GAS7: variants seen among roughly 807,000 people sequenced by gnomAD.
GAS7 encodes the protein growth arrest-specific protein 7.
A neutral mutation model predicts 71.1 loss-of-function variants in GAS7; 28 were observed. The observed-to-expected ratio is 0.39, with a 90% confidence interval of 0.29 to 0.54. The LOEUF is 0.54. GAS7 is among the 20% of genes least tolerant of loss of function. The probability of loss-of-function intolerance (pLI) is 0.62; values close to 1 mark genes in which losing one functional copy is unlikely to be tolerated. For missense variants in GAS7, 436 were observed against 627.8 expected, an observed-to-expected ratio of 0.69 and a Z score of 3.27; for synonymous variants, 258 against 245.8, an observed-to-expected ratio of 1.05 and a Z score of -0.46.
intron 5 of GAS7, among the ~76,000 whole-genome samples, chr17:9,956,458 G>A (rs1001740153): frequency 2.6e-5 from 4 of 152,206 alleles, no homozygotes; most frequent in Non-Finnish European, 4.4e-5. Context: ...GAGTGTGGCC[G>A]GGTGGCTTTG....
intron 2 of GAS7, among the ~76,000 whole-genome samples, chr17:9,991,263 G>C (rs1285388343): frequency 6.6e-6 from 1 of 152,186 alleles, no homozygotes; most frequent in Non-Finnish European, 1.5e-5. Context: ...GTGAAGGGGG[G>C]CTAGAATGCC....
At chr17:10,195,104 T>C (rs150895303) in intron 1 of GAS7, among the ~76,000 whole-genome samples, 2 of 152,224 alleles carry the variant, frequency 1.3e-5, no homozygotes, top group African/African-American at 4.8e-5. Context: ...ACCTCTACAC[T>C]TCCCTGCCTG....
chr17:10,141,750 G>A (rs181703923), intron 1 of GAS7, among the ~76,000 whole-genome samples: 1 of 152,232 alleles, frequency 6.6e-6, no homozygotes, highest in Admixed American at 6.5e-5. Flanking sequence ...CCTTTAAAAT[G>A]TGTATGATAG....
At chr17:10,117,548 G>A (rs971091067) in intron 1 of GAS7, among the ~76,000 whole-genome samples, 2 of 152,174 alleles carry the variant, frequency 1.3e-5, no homozygotes, top group African/African-American at 4.8e-5. Flanking sequence ...TGACACAGGA[G>A]TGAGACCAAC....
chr17:10,056,593 C>T (rs1211409380), intron 1 of GAS7, among the ~76,000 whole-genome samples: 1 of 151,960 alleles, frequency 6.6e-6, no homozygotes, highest in Non-Finnish European at 1.5e-5. Flanking sequence ...TCAAATGGGC[C>T]GGGCGCAGTG....
chr17:10,155,584 T>G (rs757415810), intron 1 of GAS7, among the ~76,000 whole-genome samples: 3 of 152,186 alleles, frequency 2.0e-5, no homozygotes, highest in Non-Finnish European at 4.4e-5. Context: ...TTCCCACCGC[T>G]ATGTCAGGGA....
intron 1 of GAS7, among the ~76,000 whole-genome samples, chr17:10,053,446 C>T (rs953561914): frequency 6.6e-6 from 1 of 152,136 alleles, no homozygotes; most frequent in Non-Finnish European, 1.5e-5. Context: ...TCTTTACCTA[C>T]ATGATTTTAA....
intron 9 of GAS7, among the ~76,000 whole-genome samples, chr17:9,930,562 T>C (rs754810425): frequency 4.6e-5 from 7 of 152,244 alleles, no homozygotes; most frequent in Non-Finnish European, 1.0e-4. Context: ...ACTTTCTTTG[T>C]ATACGGCTCT....
intron 2 of GAS7, among the ~76,000 whole-genome samples, chr17:10,004,989 G>A (rs1238468291): frequency 6.6e-6 from 1 of 151,808 alleles, no homozygotes; most frequent in African/African-American, 2.4e-5. Flanking sequence ...CAGCCTCGGC[G>A]ACAGAGCAGG....
At chr17:10,057,211 G>A (rs912916042) in intron 1 of GAS7, among the ~76,000 whole-genome samples, 3 of 152,316 alleles carry the variant, frequency 2.0e-5, no homozygotes, top group Non-Finnish European at 2.9e-5. Flanking sequence ...CTGCCTGGCC[G>A]CCAGCCCGTC....
At chr17:9,931,911 C>T (rs1022839180) in intron 9 of GAS7, among the ~76,000 whole-genome samples, 2 of 152,090 alleles carry the variant, frequency 1.3e-5, no homozygotes, top group Admixed American at 6.6e-5. Flanking sequence ...AGTACCACCA[C>T]GGGGTACATC....
intron 8 of GAS7, among the ~76,000 whole-genome samples, chr17:9,939,695 C>T (rs1461284938): frequency 6.6e-6 from 1 of 152,042 alleles, no homozygotes; most frequent in Non-Finnish European, 1.5e-5. Flanking sequence ...CTGCAAGCTC[C>T]ACCTCCTGGG....
chr17:10,140,391 G>T (rs898455463), intron 1 of GAS7, among the ~76,000 whole-genome samples: 2 of 152,104 alleles, frequency 1.3e-5, no homozygotes, highest in South Asian at 2.1e-4. Context: ...GAGTCCGGGG[G>T]TTGAGGCTGC....
chr17:10,026,033 G>T lies in GAS7; in HGVS notation c.184-6136C>A. 1 of 263,962 alleles carries T rather than the reference G, an allele frequency of 3.8e-6. No homozygotes were observed. Among genetic ancestry groups the T allele is most frequent in the Non-Finnish European group, 5.8e-6 (1 of 173,210 alleles). 16.4% of individuals were successfully genotyped at this position (263,962 alleles called of 1,614,324 possible). ...GCAGCCTCCAGGCAGTACAGACCCT[G>T]CTACTCCGCTCCCTACCGCTCCCAC... On this transcript the variant is annotated intron_variant, in intron 1 of 13. Transcript: ENST00000432992. This position sits in a 1 kb window ranked among gnomAD's most constrained non-coding sequence, Gnocchi z 4.5.
At chr17:9,964,647 G>A (rs1256498190) in intron 4 of GAS7, among the ~76,000 whole-genome samples, 5 of 151,972 alleles carry the variant, frequency 3.3e-5, no homozygotes, top group Non-Finnish European at 7.4e-5. Flanking sequence ...TTTTCTTAAG[G>A]TACCTTAATT....
chr17:10,078,053 TTGTGTG>T (rs59380311), intron 1 of GAS7, among the ~76,000 whole-genome samples: 39 of 146,428 alleles, frequency 2.7e-4, no homozygotes, highest in East Asian at 2.2e-3. Context: ...GTTTTTTCTG[TTGTGTG>T]TGTGTGTGTG....
At chr17:10,031,620 C>T (rs547046700) in intron 1 of GAS7, among the ~76,000 whole-genome samples, 1 of 152,350 alleles carries the variant, frequency 6.6e-6, no homozygotes, top group Non-Finnish European at 1.5e-5. Flanking sequence ...ACCCTTCCTC[C>T]TCTGACTCTG....
chr17:9,928,244 C>T (rs2068084808), intron 9 of GAS7, among the ~76,000 whole-genome samples: 1 of 151,352 alleles, frequency 6.6e-6, no homozygotes, highest in East Asian at 1.9e-4. Flanking sequence ...TCCCGAGTAG[C>T]TGGGACTACA....
At position 9,911,296 on chromosome 17, in the gene GAS7, G is replaced by A. The variant is rs1314075342; in HGVS notation, c.*5932C>T. On this transcript the variant is annotated 3_prime_UTR_variant, in exon 14 of 14. Transcript: ENST00000432992. The surrounding 1 kb of genome is among the most constrained non-coding windows in gnomAD (Gnocchi z 4.0). Reference sequence around the variant, plus strand: ...AGGTTATGGGACAAAGGAGGCCGCAGAGCAGGGCCAGTCCTGTGCTCTCCC... The same window carrying A: ...AGGTTATGGGACAAAGGAGGCCGCAAAGCAGGGCCAGTCCTGTGCTCTCCC... The A allele has an allele frequency of 4.3e-6, 1 of 233,328 alleles. No homozygotes were observed. The highest frequency in any genetic ancestry group is 8.5e-6 in the Non-Finnish European group (1 of 118,184). 14.5% of individuals were successfully genotyped at this position (233,328 alleles called of 1,614,324 possible). A position where few individuals can be genotyped will look rare whatever the true frequency, so the allele number is the denominator to read the frequency against.
Sources: allele counts gnomAD v4.1 joint callset (sites outside exome capture counted in the v4.1 genomes callset), GRCh38; gene constraint gnomAD v4.1.1; non-coding constraint Gnocchi (gnomAD v3.1); transcripts MANE v1.5; gene names NCBI Gene and HGNC (gene_info 2026-07-23, HGNC 2026-07-21).